RTN4RL1: variants seen among roughly 807,000 people sequenced by gnomAD.
RTN4RL1 encodes reticulon 4 receptor like 1.
RTN4RL1 carries 7 observed loss-of-function variants against 25.6 expected under a neutral mutation model. That is an observed-to-expected ratio of 0.27 (90% CI 0.16 to 0.51). The LOEUF (loss-of-function observed/expected upper bound fraction) is 0.51. Ranked by LOEUF, RTN4RL1 falls within the 20% of genes least tolerant of loss-of-function variation. RTN4RL1 has a pLI of 0.97. For missense variants in RTN4RL1, 500 were observed against 615.6 expected (o/e 0.81, Z 1.99); for synonymous variants, 297 against 288.2 (o/e 1.03, Z -0.31).
intron 1 of RTN4RL1, among the ~76,000 whole-genome samples, chr17:1,997,355 G>C (rs2066933802): frequency 6.6e-6 from 1 of 152,186 alleles, no homozygotes; most frequent in African/African-American, 2.4e-5. Context: ...TCCAGGACCA[G>C]CCCAGCTGAT....
intron 1 of RTN4RL1, among the ~76,000 whole-genome samples, chr17:1,982,569 G>C (rs971125396): frequency 6.6e-6 from 1 of 151,360 alleles, no homozygotes; most frequent in Non-Finnish European, 1.5e-5. Flanking sequence ...AGCCGAGATC[G>C]CGCCACTGCA....
At chr17:2,001,026 A>G (rs938475487) in intron 1 of RTN4RL1, among the ~76,000 whole-genome samples, 3 of 150,728 alleles carry the variant, frequency 2.0e-5, no homozygotes, top group African/African-American at 7.3e-5. Flanking sequence ...CACTTGATAA[A>G]GATAACAATA....
At chr17:2,015,542 C>A (rs527346166) in intron 1 of RTN4RL1, among the ~76,000 whole-genome samples, 1 of 152,296 alleles carries the variant, frequency 6.6e-6, no homozygotes, top group African/African-American at 2.4e-5. Flanking sequence ...AGAGGGGCAG[C>A]CGCAGAACCA....
At chr17:1,955,889 T>G (rs1915783889) in intron 1 of RTN4RL1, among the ~76,000 whole-genome samples, 1 of 152,072 alleles carries the variant, frequency 6.6e-6, no homozygotes, top group South Asian at 2.1e-4. Context: ...TTGAATTAAA[T>G]AAGACTTGCC....
intron 1 of RTN4RL1, among the ~76,000 whole-genome samples, chr17:1,939,277 C>T (rs1181533146): frequency 1.3e-5 from 2 of 150,650 alleles, no homozygotes; most frequent in Non-Finnish European, 3.0e-5. Flanking sequence ...AGCGTGAACC[C>T]GGGAGGTGGA....
chr17:1,953,563 T>C (rs1165915764), intron 1 of RTN4RL1, among the ~76,000 whole-genome samples: 1 of 113,036 alleles, frequency 8.8e-6, no homozygotes, highest in Non-Finnish European at 2.1e-5. Flanking sequence ...AAAAATTGAA[T>C]TAAAAAAAAA....
At chr17:2,009,423 C>G (rs961815589) in intron 1 of RTN4RL1, among the ~76,000 whole-genome samples, 1 of 113,510 alleles carries the variant, frequency 8.8e-6, no homozygotes, top group Admixed American at 9.3e-5. Context: ...TGAATCCCAT[C>G]TCTACTAAAA....
intron 1 of RTN4RL1, among the ~76,000 whole-genome samples, chr17:1,973,103 C>T (rs936336861): frequency 6.6e-6 from 1 of 152,210 alleles, no homozygotes; most frequent in Non-Finnish European, 1.5e-5. Flanking sequence ...CGGCTCATGC[C>T]TGTAATCCCA....
intron 1 of RTN4RL1, chr17:2,019,238 G>C (rs1004284189): frequency 2.0e-5 from 3 of 152,214 alleles, no homozygotes; most frequent in African/African-American, 7.2e-5. Context: ...ACTCTGCGTG[G>C]AGGTCCTGGC....
At position 2,003,515 on chromosome 17, in the gene RTN4RL1, G is replaced by A. The variant is rs1481999473; in HGVS notation, c.13+21338C>T. 6.6e-5 allele frequency: 10 copies of A among 152,276 alleles called. 1 individual carries two copies. The highest frequency in any genetic ancestry group is 1.5e-4 in the Non-Finnish European group (10 of 68,168). The allele number at this position is 152,276 out of a possible 1,614,324, so 9.4% of individuals were successfully genotyped here. A position where few individuals can be genotyped will look rare whatever the true frequency, so the allele number is the denominator to read the frequency against. The stretch of plus-strand genomic sequence containing the variant: ...GGGAGGCCTTGCTCTGCCACAAGAA[G>A]GCACGCTACATCCACTTTGTCACAA... On this transcript the variant is annotated intron_variant, in intron 1 of 1. Coordinates refer to ENST00000331238, the MANE Select transcript of RTN4RL1 (RefSeq NM_178568.4).
At chr17:1,950,977 A>G (rs1447717662) in intron 1 of RTN4RL1, among the ~76,000 whole-genome samples, 2 of 149,338 alleles carry the variant, frequency 1.3e-5, no homozygotes, top group African/African-American at 4.9e-5. Flanking sequence ...AAGAATAGCT[A>G]CTCCATGGCT....
chr17:1,951,544 G>A (rs1409784609), intron 1 of RTN4RL1, among the ~76,000 whole-genome samples: 1 of 151,692 alleles, frequency 6.6e-6, no homozygotes, highest in Non-Finnish European at 1.5e-5. Context: ...CTCTGCCTCC[G>A]AGTTCAAGCG....
intron 1 of RTN4RL1, among the ~76,000 whole-genome samples, chr17:1,996,068 T>C (rs1196240167): frequency 6.6e-6 from 1 of 152,198 alleles, no homozygotes; most frequent in Non-Finnish European, 1.5e-5. Flanking sequence ...TCAGGCTGCC[T>C]GGCAGGAGAA....
chr17:2,018,523 G>A (rs916813922), intron 1 of RTN4RL1, among the ~76,000 whole-genome samples: 5 of 152,200 alleles, frequency 3.3e-5, no homozygotes, highest in Non-Finnish European at 7.3e-5. Flanking sequence ...CAAGCTCTGC[G>A]AGAAGCCAGA....
intron 1 of RTN4RL1, among the ~76,000 whole-genome samples, chr17:1,980,470 C>T (rs1003095553): frequency 7.9e-5 from 12 of 152,092 alleles, no homozygotes; most frequent in African/African-American, 1.4e-4. Context: ...TTCGGCTATT[C>T]GGTGGAGAGC....
intron 1 of RTN4RL1, among the ~76,000 whole-genome samples, chr17:2,022,791 C>A (rs1027578523): frequency 1.3e-5 from 2 of 152,230 alleles, no homozygotes; most frequent in Non-Finnish European, 2.9e-5. Flanking sequence ...CAGGTGGAAA[C>A]CTATCGGTGG....
Position 1,937,588 on chromosome 17 carries a change from C to G in RTN4RL1, c.234G>C (p.Met78Ile), listed in dbSNP as rs773768549. The change falls in exon 2 of 2, where the codon ATG becomes ATC. Residue 78 changes from methionine to isoleucine, a missense_variant. By Grantham distance (10) the Met-to-Ile change is conservative. Around this residue, in one of 2 missense-constraint regions of RTN4RL1, gnomAD observed 232 missense variants for 341.1 expected, o/e 0.68. Transcript: ENST00000331238. Reference protein sequence around the residue: ...LLQPGHFSPAMVTLWIYSNNI... With the variant: ...LLQPGHFSPAIVTLWIYSNNI... Reference sequence around the variant, plus strand: ...TGTTCGAGTAGATCCACAGGGTGACCATGGCGGGGCTGAAGTGGCCGGGCT... The same window carrying G: ...TGTTCGAGTAGATCCACAGGGTGACGATGGCGGGGCTGAAGTGGCCGGGCT... The G allele has an allele frequency of 6.2e-7, 1 of 1,613,886 alleles. No homozygotes were observed. The highest frequency in any genetic ancestry group is 1.7e-5 in the Admixed American group (1 of 60,022).
chr17:1,950,338 T>G (rs991320313), intron 1 of RTN4RL1, among the ~76,000 whole-genome samples: 3 of 151,912 alleles, frequency 2.0e-5, no homozygotes, highest in Non-Finnish European at 4.4e-5. Context: ...GCTTCCCAAG[T>G]CTATTCCAGA....
At chr17:1,977,210 G>T (rs2151315087) in intron 1 of RTN4RL1, among the ~76,000 whole-genome samples, 1 of 152,356 alleles carries the variant, frequency 6.6e-6, no homozygotes, top group Non-Finnish European at 1.5e-5. Flanking sequence ...TAGTGCAGGT[G>T]TGCACAGACG....
Sources: gnomAD v4.1 joint callset for allele counts (sites outside exome capture counted in the v4.1 genomes callset) on GRCh38, gnomAD v4.1.1 for gene constraint, gnomAD v4.1.1 regional missense constraint, MANE v1.5 for transcripts, NCBI Gene and HGNC (gene_info 2026-07-23, HGNC 2026-07-21) for gene names.